The following FOXJ3 variants were observed in gnomAD, a reference collection of about 807,000 sequenced individuals.
FOXJ3 encodes the protein forkhead box protein J3.
A neutral mutation model predicts 76.1 loss-of-function variants in FOXJ3; 22 were observed. That is an observed-to-expected ratio of 0.29 (90% confidence interval 0.21 to 0.41). FOXJ3 has a LOEUF of 0.41. Ranked by LOEUF, FOXJ3 falls within the 10% of genes least tolerant of loss-of-function variation. The pLI, the probability that FOXJ3 is intolerant of heterozygous loss-of-function variation, is 1.00. For missense variants in FOXJ3, 613 were observed against 762.1 expected, an observed-to-expected ratio of 0.80 and a Z score of 2.30; for synonymous variants, 269 against 261.2, an observed-to-expected ratio of 1.03 and a Z score of -0.29.
intron 4 of FOXJ3, among the ~76,000 whole-genome samples, chr1:42,253,593 A>G (rs1359079637): frequency 1.3e-5 from 2 of 151,320 alleles, no homozygotes; most frequent in Admixed American, 6.6e-5. Flanking sequence ...CCAAAACAGC[A>G]TGGTACTGGT....
chr1:42,200,005 CAAAA>C (rs11355641), intron 6 of FOXJ3, among the ~76,000 whole-genome samples: 2 of 76,072 alleles, frequency 2.6e-5, no homozygotes, highest in African/African-American at 1.1e-4. Flanking sequence ...GACTCTGTCT[CAAAA>C]AAAAAAAAAA....
chr1:42,220,587 C>G (rs1253013811), intron 5 of FOXJ3, among the ~76,000 whole-genome samples: 1 of 151,992 alleles, frequency 6.6e-6, no homozygotes, highest in African/African-American at 2.4e-5. Context: ...GCAGGGCAAG[C>G]CAAAGGTGCT....
intron 9 of FOXJ3, among the ~76,000 whole-genome samples, chr1:42,190,885 G>A (rs1355906126): frequency 6.6e-6 from 1 of 152,102 alleles, no homozygotes; most frequent in African/African-American, 2.4e-5. Flanking sequence ...TAGAATAACT[G>A]GTGTTATAAG....
chr1:42,243,890 G>A (rs1649341246), intron 4 of FOXJ3, among the ~76,000 whole-genome samples: 1 of 152,100 alleles, frequency 6.6e-6, no homozygotes, highest in Admixed American at 6.5e-5. Context: ...ATCAGTACAT[G>A]GAATATTCCC....
intron 3 of FOXJ3, among the ~76,000 whole-genome samples, chr1:42,270,542 A>C (rs1281466781): frequency 2.0e-5 from 3 of 152,200 alleles, no homozygotes; most frequent in African/African-American, 7.2e-5. Flanking sequence ...CAAAGAAAAG[A>C]GGTTACTTCA....
rs1314789891 is a variant in FOXJ3, at chr1:42,179,636, T to G, written c.*74A>C. On this transcript the variant is annotated 3_prime_UTR_variant, in exon 13 of 13. Coordinates refer to ENST00000361346, the MANE Select transcript of FOXJ3 (RefSeq NM_014947.5). Reference sequence around the variant, plus strand: ...TGATTAGCAAGTTTGTTTTCTCAACTGGATTCTCTTAAACCTTTCCCTTCA... The same window carrying G: ...TGATTAGCAAGTTTGTTTTCTCAACGGGATTCTCTTAAACCTTTCCCTTCA... 1 of 879,472 alleles carries G rather than the reference T, an allele frequency of 1.1e-6. No homozygotes were observed. The highest frequency in any genetic ancestry group is 1.8e-6 in the Non-Finnish European group (1 of 541,286). 54.5% of individuals were successfully genotyped at this position (879,472 alleles called of 1,614,324 possible).
At chr1:42,278,278 GCTTT>G (rs1233710625) in intron 3 of FOXJ3, 66 bp downstream of exon 3, 2 of 1,127,648 alleles carry the variant, frequency 1.8e-6, no homozygotes, top group Non-Finnish European at 2.6e-6. Context: ...CATTCACAAA[GCTTT>G]ATTTTCAGTA....
Position 42,331,106 on chromosome 1 carries a change from C to T in FOXJ3, c.-18+3953G>A, listed in dbSNP as rs1286520635. ...AAAAGAATTAAGAAACTTGACCAGG[C>T]GCGGTGGCTTACACCTGTAGTCTCA... On this transcript the variant is annotated intron_variant, in intron 1 of 12. Transcript: ENST00000361346. Among the ~76,000 whole-genome samples the T allele has an allele frequency of 3.3e-5, 5 of 152,216 alleles. No homozygotes were observed. The East Asian group carries it at 7.7e-4, about 23-fold the overall frequency.
At chr1:42,210,670 G>A (rs1009864349) in intron 5 of FOXJ3, among the ~76,000 whole-genome samples, 22 of 152,104 alleles carry the variant, frequency 1.4e-4, no homozygotes, top group Non-Finnish European at 7.4e-5. Context: ...TGGCATTTGA[G>A]AAAGCCAACA....
intron 3 of FOXJ3, among the ~76,000 whole-genome samples, chr1:42,269,185 A>G (rs1346204751): frequency 2.6e-5 from 4 of 152,192 alleles, no homozygotes; most frequent in Non-Finnish European, 5.9e-5. Context: ...CTAATAACAG[A>G]ATTGTGGCGA....
intron 2 of FOXJ3, among the ~76,000 whole-genome samples, chr1:42,291,182 T>C (rs561086256): frequency 3.7e-4 from 57 of 152,256 alleles, no homozygotes; most frequent in African/African-American, 1.3e-3. Flanking sequence ...AAAAATTATG[T>C]TGAAACAATT....
At position 42,325,383 on chromosome 1, in the gene FOXJ3, A is replaced by G. The variant is rs141538937; in HGVS notation, c.-18+9676T>C. ...CTACTCATTCTGCCTTTCTAGTCGA[A>G]AAGAAGAAAACAGAAGAAATCACAG... On this transcript the variant is annotated intron_variant, in intron 1 of 12. Transcript: ENST00000361346. 1.6e-3 allele frequency among the ~76,000 whole-genome samples: 251 copies of G among 152,340 alleles called. 1 individual carries two copies. Among genetic ancestry groups the G allele is most frequent in the African/African-American group, 5.8e-3 (240 of 41,568 alleles).
intron 4 of FOXJ3, among the ~76,000 whole-genome samples, chr1:42,248,815 T>C (rs917588213): frequency 2.0e-5 from 3 of 146,868 alleles, no homozygotes; most frequent in African/African-American, 7.5e-5. Flanking sequence ...AAGTGTGCCA[T>C]GGTGGTTTAC....
intron 5 of FOXJ3, among the ~76,000 whole-genome samples, chr1:42,222,888 TTCTC>T (rs1189265913): frequency 1.3e-5 from 2 of 152,210 alleles, no homozygotes; most frequent in East Asian, 1.9e-4. Context: ...CTGAATGGTA[TTCTC>T]TCTACTTTGC....
At chr1:42,269,587 A>G (rs1263313822) in intron 3 of FOXJ3, among the ~76,000 whole-genome samples, 1 of 152,176 alleles carries the variant, frequency 6.6e-6, no homozygotes, top group Admixed American at 6.5e-5. Context: ...TGTATTTCCA[A>G]CTATCAACTG....
At chr1:42,275,336 A>G (rs895889683) in intron 3 of FOXJ3, among the ~76,000 whole-genome samples, 9 of 152,226 alleles carry the variant, frequency 5.9e-5, no homozygotes, top group African/African-American at 2.2e-4. Flanking sequence ...CCCTTCCTCT[A>G]CATGTATACA....
At chr1:42,247,900 C>A (rs1649675588) in intron 4 of FOXJ3, among the ~76,000 whole-genome samples, 1 of 152,144 alleles carries the variant, frequency 6.6e-6, no homozygotes, top group South Asian at 2.1e-4. Flanking sequence ...GTATAGCTAT[C>A]CAATGGAGTA....
chr1:42,237,427 TACATACATAC>T (rs1321385137), intron 4 of FOXJ3, among the ~76,000 whole-genome samples: 4 of 129,886 alleles, frequency 3.1e-5, no homozygotes, highest in Admixed American at 7.9e-5. Context: ...TATATATATA[TACATACATAC>T]ATATATATAT....
intron 1 of FOXJ3, among the ~76,000 whole-genome samples, chr1:42,321,981 C>T (rs528673239): frequency 2.4e-4 from 36 of 152,042 alleles, no homozygotes; most frequent in African/African-American, 8.0e-4. Context: ...ACTGGAATAT[C>T]GAATTAACTT....
Sources: gnomAD v4.1 joint callset for allele counts (sites outside exome capture counted in the v4.1 genomes callset) on GRCh38, gnomAD v4.1.1 for gene constraint, MANE v1.5 for transcripts, NCBI Gene and HGNC (gene_info 2026-07-23, HGNC 2026-07-21) for gene names.